Variants in ZNF701 observed in about 807,000 individuals in gnomAD.
ZNF701 encodes zinc finger protein 701.
A neutral mutation model predicts 7.1 loss-of-function variants in ZNF701; 6 were observed. That is an observed-to-expected ratio of 0.84 (90% CI 0.46 to 1.66). The LOEUF (loss-of-function observed/expected upper bound fraction) is 1.66. Ranked by LOEUF, ZNF701 falls within the 40% of genes most tolerant of loss-of-function variation. The pLI is 0.01. For synonymous variants in ZNF701, 166 were observed against 188.2 expected, an observed-to-expected ratio of 0.88 and a Z score of 0.97; for missense variants, 541 against 559.2, an observed-to-expected ratio of 0.97 and a Z score of 0.33.
At chr19:52,574,775 A>G (rs950849263) in intron 2 of ZNF701, among the ~76,000 whole-genome samples, 1 of 152,164 alleles carries the variant, frequency 6.6e-6, no homozygotes, top group Non-Finnish European at 1.5e-5. Flanking sequence ...TTATTAAACC[A>G]TTCTTAGCAA....
Position 52,583,537 on chromosome 19 carries a change from C to T in ZNF701, c.*80C>T, listed in dbSNP as rs185721112. The T allele has an allele frequency of 7.8e-5, 124 of 1,596,542 alleles. No individual in the cohort carries two copies. Among genetic ancestry groups the T allele is most frequent in the Admixed American group, 2.2e-4 (13 of 59,576 alleles). ...GACTTTATACTGGAGAGAAACCTTA[C>T]AAATGTGAAGAATGTGACAAAAGTT... On this transcript the variant is annotated 3_prime_UTR_variant, in exon 4 of 4. Coordinates refer to ENST00000391785, the MANE Select transcript of ZNF701 (RefSeq NM_018260.3).
chr19:52,572,412 C>T, intron 1 of ZNF701: 1 of 1,279,596 alleles, frequency 7.8e-7, no homozygotes, highest in Non-Finnish European at 1.0e-6. Flanking sequence ...ATAAATGTTA[C>T]TGTAATTTTC....
At chr19:52,575,810 A>G (rs935553462) in intron 2 of ZNF701, 85 bp from the exon 3 acceptor site, 2 of 924,924 alleles carry the variant, frequency 2.2e-6, no homozygotes, top group Admixed American at 3.1e-5. Flanking sequence ...AATTAAATCC[A>G]TGCTTTCCCC....
intron 3 of ZNF701, among the ~76,000 whole-genome samples, chr19:52,581,312 C>T (rs571800492): frequency 5.3e-5 from 8 of 151,704 alleles, no homozygotes; most frequent in East Asian, 3.9e-4. Context: ...CTTGGCCTCG[C>T]GGGTTCAAGC....
chr19:52,594,576 C>T, the ZNF701 span, among the ~76,000 whole-genome samples: 2 of 149,322 alleles, frequency 1.3e-5, no homozygotes, highest in Admixed American at 6.7e-5. Flanking sequence ...TGCAATGGTG[C>T]GATCTCGGCT....
rs945524386 is a variant in ZNF701 at position 52,585,757 on chromosome 19, A to G, written c.*2300A>G. The G allele has an allele frequency of 1.5e-5, 2 of 135,848 alleles. No homozygotes were observed. The highest frequency in any genetic ancestry group is 4.9e-5 in the African/African-American group (2 of 40,510). 8.4% of individuals were successfully genotyped at this position (135,848 alleles called of 1,614,324 possible). ...GGATGAAGAATTTGGCCCTTGGCCAAGGAAATAACTGAGGTAAATTGGCCT... is the reference window on the plus strand; with the variant it reads ...GGATGAAGAATTTGGCCCTTGGCCAGGGAAATAACTGAGGTAAATTGGCCT... On this transcript the variant is annotated 3_prime_UTR_variant, in exon 4 of 4. Coordinates refer to ENST00000391785, the MANE Select transcript of ZNF701 (RefSeq NM_018260.3).
At chr19:52,594,368 T>A in the ZNF701 span, 4 of 152,404 alleles carry the variant, frequency 2.6e-5, no homozygotes, top group Non-Finnish European at 5.9e-5. Context: ...AATTTTGTAT[T>A]TTTATTAGAG....
At chr19:52,578,126 C>A (rs977638581) in intron 3 of ZNF701, among the ~76,000 whole-genome samples, 1 of 151,306 alleles carries the variant, frequency 6.6e-6, no homozygotes, top group African/African-American at 2.4e-5. Context: ...TGGTGGCGGG[C>A]ACTTGTAGTC....
At position 52,582,869 on chromosome 19, in the gene ZNF701, C is replaced by T; in HGVS notation, c.810C>T (p.Tyr270=). ...GATGTCACACTGGTGAGAATCCTTA[C>T]ACGTGTAATGAGTGTGGCAAGACAT... ...CHRCHTGENP[Y]TCNECGKTFS... is the part of the protein sequence containing the mutation. Residue 270 remains tyrosine (Y), a synonymous_variant, in exon 4 of 4, where the codon TAC becomes TAT. Coordinates refer to ENST00000391785, the MANE Select transcript of ZNF701 (RefSeq NM_018260.3). 1 of 1,613,144 alleles carries T rather than the reference C, an allele frequency of 6.2e-7. No individual in the cohort carries two copies. Among genetic ancestry groups the T allele is most frequent in the Non-Finnish European group, 8.5e-7 (1 of 1,179,306 alleles).
intron 3 of ZNF701, among the ~76,000 whole-genome samples, chr19:52,576,760 T>C (rs558694325): frequency 2.0e-5 from 3 of 152,158 alleles, no homozygotes; most frequent in African/African-American, 4.8e-5. Flanking sequence ...TACAGAAATA[T>C]AGGGCTGGGA....
chr19:52,598,309 C>T, the ZNF701 span, among the ~76,000 whole-genome samples: 2 of 152,144 alleles, frequency 1.3e-5, no homozygotes, highest in Non-Finnish European at 2.9e-5. Flanking sequence ...CTGTACTGAA[C>T]GCTGAATCGT....
chr19:52,583,338 T>C lies in ZNF701; in HGVS notation c.1279T>C (p.Cys427Arg). The change falls in exon 4 of 4, where the codon TGT becomes CGT. Residue 427 changes from cysteine (C) to arginine (R), a missense_variant. Transcript: ENST00000391785. ...KVFNHKSNLA[C>R]HRRLHTGEKP... ...TTTTAATCACAAATCAAACCTTGCATGTCATCGTAGACTTCATACTGGAGA... is the reference window on the plus strand; with the variant it reads ...TTTTAATCACAAATCAAACCTTGCACGTCATCGTAGACTTCATACTGGAGA... 1 of 1,604,200 alleles carries C rather than the reference T, an allele frequency of 6.2e-7. No individual in the cohort carries two copies. Among genetic ancestry groups the C allele is most frequent in the Non-Finnish European group, 8.5e-7 (1 of 1,172,152 alleles).
At chr19:52,575,766 A>G in intron 2 of ZNF701, 129 bp from the exon 3 acceptor site, 1 of 654,244 alleles carries the variant, frequency 1.5e-6, no homozygotes, top group East Asian at 3.1e-5. Context: ...GTGGTGAAGA[A>G]TCCCTTACTT....
In ZNF701 at chr19:52,583,332, C is replaced by G; in HGVS notation, c.1273C>G (p.Leu425Val). Residue 425 changes from leucine to valine, a missense_variant, in exon 4 of 4, where the codon CTT (leucine) becomes GTT (valine). By Grantham distance (32) the Leu-to-Val change is conservative. Coordinates refer to ENST00000391785, the MANE Select transcript of ZNF701 (RefSeq NM_018260.3). ...CAAGGTTTTTAATCACAAATCAAAC[C>G]TTGCATGTCATCGTAGACTTCATAC... ...CGKVFNHKSN[L>V]ACHRRLHTGE... The G allele has an allele frequency of 1.2e-6, 2 of 1,604,858 alleles. No individual in the cohort carries two copies. Among genetic ancestry groups the G allele is most frequent in the Non-Finnish European group, 1.7e-6 (2 of 1,172,348 alleles).
chr19:52,588,381 G>A, downstream of ZNF701: 1 of 155,570 alleles, frequency 6.4e-6, no homozygotes, highest in South Asian at 1.9e-4. Context: ...AGCTACTTAA[G>A]AGGCTGAGGC....
In ZNF701 at chr19:52,574,179, G is replaced by C; in HGVS notation, c.15+17G>C. ...CTTCTTCAGGTGAGATGATATTCTCGGGGGATTGTTCTGTCTCCTTCCTTT... is the reference window on the plus strand; with the variant it reads ...CTTCTTCAGGTGAGATGATATTCTCCGGGGATTGTTCTGTCTCCTTCCTTT... On this transcript the variant is annotated intron_variant, in intron 2 of 3. Transcript: ENST00000391785. The C allele has an allele frequency of 6.2e-7, 1 of 1,607,090 alleles. No homozygotes were observed. Among genetic ancestry groups the C allele is most frequent in the East Asian group, 2.2e-5 (1 of 44,820 alleles).
intron 1 of ZNF701, among the ~76,000 whole-genome samples, chr19:52,571,565 G>A (rs1340857720): frequency 6.6e-6 from 1 of 152,038 alleles, no homozygotes; most frequent in Non-Finnish European, 1.5e-5. Context: ...TCACCATGTT[G>A]GCCAGGCTGG....
the ZNF701 span, among the ~76,000 whole-genome samples, chr19:52,592,582 T>C: frequency 6.6e-6 from 1 of 152,106 alleles, no homozygotes; most frequent in African/African-American, 2.4e-5. Flanking sequence ...GCTGCGCTTG[T>C]GGTTTTGTGT....
At chr19:52,590,478 C>T (rs866143507), downstream of ZNF701, among the ~76,000 whole-genome samples, 5 of 152,146 alleles carry the variant, frequency 3.3e-5, no homozygotes, top group Middle Eastern at 3.4e-3. Flanking sequence ...TATGTTTAGC[C>T]CTAGGGTTTC....
Sources: gnomAD v4.1 joint callset for allele counts (sites outside exome capture counted in the v4.1 genomes callset) on GRCh38, gnomAD v4.1.1 for gene constraint, MANE v1.5 for transcripts, NCBI Gene and HGNC (gene_info 2026-07-23, HGNC 2026-07-21) for gene names.